ARFGEF3: variants seen among roughly 807,000 people sequenced by gnomAD.
ARFGEF3 encodes ARFGEF family member 3, also known as brefeldin A-inhibited guanine nucleotide-exchange protein 3.
A neutral mutation model predicts 221.7 loss-of-function variants in ARFGEF3; 96 were observed. The ratio of observed to expected loss-of-function variants is 0.43; its 90% CI spans 0.37 to 0.51. The LOEUF is 0.51. Among genes scored for constraint, ARFGEF3 ranks in the 20% least tolerant of loss-of-function variants. The pLI is 0.00. For synonymous variants in ARFGEF3, 1,145 were observed against 1,126.8 expected (o/e 1.02, Z -0.32); for missense variants, 2,410 against 2,789.9 (o/e 0.86, Z 3.07).
chr6:138,227,630 C>T (rs889677975), intron 4 of ARFGEF3, among the ~76,000 whole-genome samples: 13 of 152,108 alleles, frequency 8.5e-5, no homozygotes, highest in African/African-American at 2.7e-4. Context: ...TCAGACTCCC[C>T]GCCCCCCGCC....
rs115600848 is a variant in ARFGEF3 at position 138,240,799 on chromosome 6, C to T, written c.544-2153C>T. 3.8e-3 allele frequency among the ~76,000 whole-genome samples: 583 copies of T among 152,174 alleles called. 2 individuals carry two copies. Among genetic ancestry groups the T allele is most frequent in the African/African-American group, 0.013 (541 of 41,508 alleles). ...ATAAGTTTTGCCGCATAAGAATTTA[C>T]GTATTTTTTTTAAAGCTCTTAAAGT... is the stretch of plus-strand genomic sequence containing the variant. On this transcript the variant is annotated intron_variant, in intron 6 of 33. Transcript: ENST00000251691.
At chr6:138,215,767 C>G (rs1466125422) in intron 4 of ARFGEF3, among the ~76,000 whole-genome samples, 1 of 151,978 alleles carries the variant, frequency 6.6e-6, no homozygotes. Flanking sequence ...TATTCCCTCA[C>G]TAGTCCTGTG....
intron 4 of ARFGEF3, among the ~76,000 whole-genome samples, chr6:138,227,135 A>G (rs1412271554): frequency 6.6e-6 from 1 of 151,796 alleles, no homozygotes; most frequent in Non-Finnish European, 1.5e-5. Context: ...TCTTGTGAAC[A>G]TGGTCAGCAT....
rs753655440 is a variant in ARFGEF3, at chr6:138,254,436, A to AAAT, written c.770+469_770+471dup. ...TCTGTCCCAAAAAAAAAAAAAAATT[A>AAAT]AATAATAATAATAATAATAGGCCGG... On this transcript the variant is annotated intron_variant, in intron 9 of 33. Transcript: ENST00000251691. Among the ~76,000 whole-genome samples, 155 of 150,644 alleles carry AAAT rather than the reference A, an allele frequency of 1.0e-3. 1 individual carries two copies. Among genetic ancestry groups the AAAT allele is most frequent in the African/African-American group, 3.2e-3 (130 of 41,114 alleles).
At chr6:138,262,434 C>T (rs1230093505) in intron 11 of ARFGEF3, among the ~76,000 whole-genome samples, 7 of 152,118 alleles carry the variant, frequency 4.6e-5, no homozygotes, top group Non-Finnish European at 5.9e-5. Context: ...TCAAGTGATC[C>T]GCCCACCTCA....
chr6:138,189,668 G>A (rs1389923523), intron 2 of ARFGEF3, among the ~76,000 whole-genome samples: 1 of 152,112 alleles, frequency 6.6e-6, no homozygotes, highest in East Asian at 1.9e-4. Flanking sequence ...ATGCGCCATG[G>A]CAGGAAGGAA....
At chr6:138,244,782 T>G (rs1459517209) in intron 7 of ARFGEF3, among the ~76,000 whole-genome samples, 2 of 152,174 alleles carry the variant, frequency 1.3e-5, no homozygotes, top group African/African-American at 4.8e-5. Context: ...CTACCTTATT[T>G]TATCTCTCTG....
chr6:138,192,725 GCCCTGGGC>G (rs1777331786), intron 2 of ARFGEF3, among the ~76,000 whole-genome samples: 1 of 152,194 alleles, frequency 6.6e-6, no homozygotes, highest in East Asian at 1.9e-4. Flanking sequence ...TGTTAGGCTG[GCCCTGGGC>G]AGTCAGGACT....
chr6:138,227,714 A>G (rs1391306728), intron 4 of ARFGEF3, among the ~76,000 whole-genome samples: 1 of 152,210 alleles, frequency 6.6e-6, no homozygotes, highest in Admixed American at 6.5e-5. Context: ...AGGGCCTTTC[A>G]CAGGCTCCAC....
At chr6:138,332,527 G>C (rs1583071732) in intron 32 of ARFGEF3, among the ~76,000 whole-genome samples, 1 of 152,268 alleles carries the variant, frequency 6.6e-6, no homozygotes, top group East Asian at 1.9e-4. Flanking sequence ...GGGCCAAGTT[G>C]TTATAAGCTT....
chr6:138,301,145 C>T (rs1245326323), intron 22 of ARFGEF3, among the ~76,000 whole-genome samples: 1 of 152,200 alleles, frequency 6.6e-6, no homozygotes, highest in East Asian at 1.9e-4. Flanking sequence ...GCAGCTTTGG[C>T]TATGGTAACA....
rs181293022 is a variant in ARFGEF3 at position 138,243,028 on chromosome 6, A to G, written c.586+34A>G. ...TTTGATTTGTACTAGTTCAGTTTTT[A>G]AAGCAGGTGTGAGAATGCCTACTGT... On this transcript the variant is annotated intron_variant, in intron 7 of 33. Coordinates refer to ENST00000251691, the MANE Select transcript of ARFGEF3 (RefSeq NM_020340.5). The G allele has an allele frequency of 2.5e-6, 4 of 1,578,362 alleles. No homozygotes were observed. The East Asian group carries it at 9.0e-5, about 35-fold the overall frequency.
At chr6:138,210,464 A>G (rs1235682590) in intron 4 of ARFGEF3, among the ~76,000 whole-genome samples, 3 of 152,144 alleles carry the variant, frequency 2.0e-5, no homozygotes, top group African/African-American at 4.8e-5. Flanking sequence ...GTTGGGAGGC[A>G]TGTCAGAATA....
At chr6:138,204,189 A>G (rs1366865444) in intron 2 of ARFGEF3, among the ~76,000 whole-genome samples, 1 of 151,820 alleles carries the variant, frequency 6.6e-6, no homozygotes, top group East Asian at 2.0e-4. Flanking sequence ...AATACAAAAA[A>G]TTAGTTGGGC....
In ARFGEF3 at chr6:138,271,539, G is replaced by C. The variant is rs552236138; in HGVS notation, c.2129-6912G>C. 4.6e-5 allele frequency among the ~76,000 whole-genome samples: 7 copies of C among 152,242 alleles called. No individual in the cohort carries two copies. The South Asian group carries it at 1.5e-3, about 32-fold the overall frequency. Reference sequence around the variant, plus strand: ...ATACTCATAACAACCCCATAAAGTAGATAGCACTATTATCCTCATTTTACA... The same window carrying C: ...ATACTCATAACAACCCCATAAAGTACATAGCACTATTATCCTCATTTTACA... On this transcript the variant is annotated intron_variant, in intron 12 of 33. Coordinates refer to ENST00000251691, the MANE Select transcript of ARFGEF3 (RefSeq NM_020340.5).
rs1562348178 is a variant in ARFGEF3 at position 138,192,602 on chromosome 6, A to AGG, written c.138-14439_138-14438insGG. The stretch of plus-strand genomic sequence containing the variant: ...CCCTAGGCCTAAGGGCTGGCCATGA[A>AGG]GCAGTTAACTGCAGTGATTGTGGGT... On this transcript the variant is annotated intron_variant, in intron 2 of 33. Coordinates refer to ENST00000251691, the MANE Select transcript of ARFGEF3 (RefSeq NM_020340.5). Among the ~76,000 whole-genome samples, 3 of 152,218 alleles carry AGG rather than the reference A, an allele frequency of 2.0e-5. No individual in the cohort carries two copies. In the East Asian group the frequency reaches 5.8e-4, roughly 29 times the overall value.
intron 6 of ARFGEF3, among the ~76,000 whole-genome samples, chr6:138,240,462 C>G (rs1778373105): frequency 6.6e-6 from 1 of 152,008 alleles, no homozygotes; most frequent in Non-Finnish European, 1.5e-5. Flanking sequence ...ATATCCCAGC[C>G]TTTTAGCTCA....
intron 12 of ARFGEF3, among the ~76,000 whole-genome samples, chr6:138,271,301 T>C (rs1380095041): frequency 6.6e-6 from 1 of 152,156 alleles, no homozygotes; most frequent in East Asian, 1.9e-4. Flanking sequence ...ACCTCGTCTC[T>C]ACAAAAAAAG....
intron 2 of ARFGEF3, among the ~76,000 whole-genome samples, chr6:138,197,766 C>G (rs1777457588): frequency 1.3e-5 from 2 of 152,176 alleles, no homozygotes. Flanking sequence ...AGCACGGTGA[C>G]TGGCATGCTG....
Sources: gnomAD v4.1 joint callset for allele counts (sites outside exome capture counted in the v4.1 genomes callset) on GRCh38, gnomAD v4.1.1 for gene constraint, MANE v1.5 for transcripts, NCBI Gene and HGNC (gene_info 2026-07-23, HGNC 2026-07-21) for gene names.